Variants in CHD9 observed in about 807,000 individuals in gnomAD.
The protein encoded by CHD9 is chromodomain helicase DNA binding protein 9.
A neutral mutation model predicts 316.1 loss-of-function variants in CHD9; 77 were observed. The observed-to-expected ratio is 0.24, with a 90% CI of 0.20 to 0.29. The LOEUF (loss-of-function observed/expected upper bound fraction) is 0.29, where lower values mean the gene tolerates loss of function less well. Among genes scored for constraint, CHD9 ranks in the 10% least tolerant of loss-of-function variants. The probability of loss-of-function intolerance (pLI) is 1.00; values close to 1 mark genes in which losing one functional copy is unlikely to be tolerated. For synonymous variants in CHD9, 1,129 were observed against 1,158.3 expected (o/e 0.97, Z 0.51); for missense variants, 2,763 against 3,438.1 (o/e 0.80, Z 4.91).
intron 38 of CHD9, among the ~76,000 whole-genome samples, chr16:53,322,770 A>G (rs1042965460): frequency 1.8e-4 from 27 of 152,260 alleles, no homozygotes; most frequent in Admixed American, 1.2e-3. Context: ...CTATAAAACT[A>G]AGTTCGCTGT....
At chr16:53,256,381 C>CTTTTTTTTTTTTTTTTTTTTTTTTT (rs1163977563) in intron 19 of CHD9, among the ~76,000 whole-genome samples, 1 of 99,260 alleles carries the variant, frequency 1.0e-5, no homozygotes, top group African/African-American at 4.1e-5. Flanking sequence ...TTTTTCTTTT[C>CTTTTTTTTTTTTTTTTTTTTTTTTT]TTTTTTTTTT....
intron 7 of CHD9, among the ~76,000 whole-genome samples, chr16:53,228,308 G>A (rs2047831689): frequency 6.6e-6 from 1 of 151,794 alleles, no homozygotes; most frequent in Non-Finnish European, 1.5e-5. Context: ...GGAGTCTGAA[G>A]CCAGCCTGGG....
chr16:53,226,420 G>A lies in CHD9; in HGVS notation c.1951G>A (p.Gly651Arg). 1 of 1,601,288 alleles carries A rather than the reference G, an allele frequency of 6.2e-7. No individual in the cohort carries two copies. The highest frequency in any genetic ancestry group is 1.1e-5 in the South Asian group (1 of 88,018). The change falls in exon 5 of 39, where the codon GGG becomes AGG. Residue 651 changes from glycine to arginine, a missense_variant. Around this residue, in one of 15 missense-constraint regions of CHD9, gnomAD observed 859 missense variants for 890.4 expected, o/e 0.96. Coordinates refer to ENST00000447540, the MANE Select transcript of CHD9 (RefSeq NM_001308319.2). Reference protein sequence around the residue: ...KRKKYAEDIEGKQSEEEVKGS... With the variant: ...KRKKYAEDIERKQSEEEVKGS... ...AAAAAAATACGCAGAAGATATAGAA[G>A]GGAAGCAATCTGAAGAAGAGGTTAA...
rs1237515326 is a variant in CHD9, at chr16:53,243,595, G to C, written c.3054+579G>C. On this transcript the variant is annotated intron_variant, in intron 13 of 38. Transcript: ENST00000447540. ...CCAAAAGTGCTGGGATTACAGGCGT[G>C]AGCCTGTAATTTTTTGTATTTTTAG... 2.0e-5 allele frequency among the ~76,000 whole-genome samples: 3 copies of C among 152,328 alleles called. No individual in the cohort carries two copies. In the South Asian group the frequency reaches 6.2e-4, roughly 32 times the overall value.
intron 31 of CHD9, among the ~76,000 whole-genome samples, chr16:53,305,296 G>C (rs2055857496): frequency 6.6e-6 from 1 of 151,932 alleles, no homozygotes. Context: ...CCTGACCTTA[G>C]GTGATCCGCC....
chr16:53,243,162 G>T, intron 13 of CHD9, 146 bp downstream of exon 13: 2 of 541,948 alleles, frequency 3.7e-6, no homozygotes, highest in Non-Finnish European at 6.1e-6. Flanking sequence ...ATTTTTTGGG[G>T]GGCCTTAATT....
At position 53,223,697 on chromosome 16, in the gene CHD9, A is replaced by G. The variant is rs1207314187; in HGVS notation, c.1896+942A>G. ...CAATGACATGGTAGGCTAGGTCAAC[A>G]TGAACATTTCTTCCATGTTTTTCAC... On this transcript the variant is annotated intron_variant, in intron 4 of 38. Coordinates refer to ENST00000447540, the MANE Select transcript of CHD9 (RefSeq NM_001308319.2). 2.0e-5 allele frequency among the ~76,000 whole-genome samples: 3 copies of G among 152,350 alleles called. No individual in the cohort carries two copies. In the East Asian group the frequency reaches 5.8e-4, roughly 29 times the overall value.
intron 1 of CHD9, among the ~76,000 whole-genome samples, chr16:53,108,234 G>C (rs1392289127): frequency 6.6e-6 from 1 of 152,190 alleles, no homozygotes; most frequent in Non-Finnish European, 1.5e-5. Flanking sequence ...AAGCACAGTG[G>C]CTCATGCCTG....
Position 53,245,185 on chromosome 16 carries a change from T to C in CHD9, c.3055-151T>C, listed in dbSNP as rs896535531. 4 of 426,432 alleles carry C rather than the reference T, an allele frequency of 9.4e-6. No individual in the cohort carries two copies. Among genetic ancestry groups the C allele is most frequent in the African/African-American group, 2.3e-5 (1 of 43,614 alleles). The allele number at this position is 426,432 out of a possible 1,614,324, so 26.4% of individuals were successfully genotyped here. On this transcript the variant is annotated intron_variant, in intron 13 of 38. Coordinates refer to ENST00000447540, the MANE Select transcript of CHD9 (RefSeq NM_001308319.2). This position sits in a 1 kb window ranked among gnomAD's most constrained non-coding sequence, Gnocchi z 4.1. Reference sequence around the variant, plus strand: ...CCTTGTCTCTAAACAAACAAACAAATATATATATATACACACACACACACA... The same window carrying C: ...CCTTGTCTCTAAACAAACAAACAAACATATATATATACACACACACACACA...
chr16:53,221,749 C>T (rs1200559915), intron 3 of CHD9, among the ~76,000 whole-genome samples: 1 of 152,030 alleles, frequency 6.6e-6, no homozygotes, highest in Non-Finnish European at 1.5e-5. Flanking sequence ...ACATACAGTA[C>T]AGATAAGATA....
chr16:53,127,747 C>A (rs2039033832), intron 1 of CHD9, among the ~76,000 whole-genome samples: 1 of 151,818 alleles, frequency 6.6e-6, no homozygotes, highest in South Asian at 2.1e-4. Context: ...ATGGTGAAAC[C>A]CCGTCTCTGC....
chr16:53,293,862 C>T lies in CHD9; in HGVS notation c.5510+810C>T, dbSNP rs191880616. On this transcript the variant is annotated intron_variant, in intron 29 of 38. Coordinates refer to ENST00000447540, the MANE Select transcript of CHD9 (RefSeq NM_001308319.2). ...ACTTGGGAGGCTGAGGCATGAGAAT[C>T]GCTTGATCCCAGGAGGCAGAGGTTG... is the stretch of plus-strand genomic sequence containing the variant. 1.6e-4 allele frequency among the ~76,000 whole-genome samples: 24 copies of T among 152,044 alleles called. No individual in the cohort carries two copies. The East Asian group carries it at 3.7e-3, about 23-fold the overall frequency.
intron 1 of CHD9, among the ~76,000 whole-genome samples, chr16:53,066,754 A>C (rs1276013793): frequency 1.3e-5 from 2 of 152,176 alleles, no homozygotes; most frequent in Non-Finnish European, 2.9e-5. Context: ...AGGGACAGAG[A>C]GGCTGTCATC....
At chr16:53,253,729 T>C (rs560521110) in intron 17 of CHD9, among the ~76,000 whole-genome samples, 7 of 152,164 alleles carry the variant, frequency 4.6e-5, no homozygotes, top group East Asian at 1.9e-4. Flanking sequence ...GAGGCCAAAG[T>C]GGTAGGATCT....
In CHD9 at chr16:53,163,621, A is replaced by C. The variant is rs1173703919; in HGVS notation, c.1452+6080A>C. Among the ~76,000 whole-genome samples the C allele has an allele frequency of 3.3e-5, 5 of 152,208 alleles. No homozygotes were observed. The South Asian group carries it at 1.0e-3, about 32-fold the overall frequency. ...GATGCATACATTTTCCATGGCATTAAGTATTTTTCTAAAAATGATTTTGAG... is the reference window on the plus strand; with the variant it reads ...GATGCATACATTTTCCATGGCATTACGTATTTTTCTAAAAATGATTTTGAG... On this transcript the variant is annotated intron_variant, in intron 2 of 38. Coordinates refer to ENST00000447540, the MANE Select transcript of CHD9 (RefSeq NM_001308319.2).
chr16:53,296,979 A>C lies in CHD9; in HGVS notation c.5534A>C (p.Asp1845Ala). 1.2e-6 allele frequency: 2 copies of C among 1,613,390 alleles called. No homozygotes were observed. Among genetic ancestry groups the C allele is most frequent in the Non-Finnish European group, 1.7e-6 (2 of 1,179,528 alleles). Residue 1845 changes from aspartate to alanine, a missense_variant, in exon 30 of 39, where the codon GAC becomes GCC. Around this residue, in one of 15 missense-constraint regions of CHD9, gnomAD observed 183 missense variants for 258.5 expected, o/e 0.71. Transcript: ENST00000447540. ...QQRWTRREEADFYRVVSTFGV... is the reference protein window; with the variant it reads ...QQRWTRREEAAFYRVVSTFGV... ...AGATGGACAAGAAGAGAAGAAGCTGACTTTTATAGGGTTGTATCTACATTT... is the reference window on the plus strand; with the variant it reads ...AGATGGACAAGAAGAGAAGAAGCTGCCTTTTATAGGGTTGTATCTACATTT...
intron 1 of CHD9, among the ~76,000 whole-genome samples, chr16:53,130,391 T>C (rs991688376): frequency 2.0e-5 from 3 of 151,746 alleles, no homozygotes; most frequent in Non-Finnish European, 4.4e-5. Flanking sequence ...AGAGATGCCC[T>C]GCATGTGAGT....
chr16:53,070,489 T>TTCCTTCCTTCC (rs1567306287), intron 1 of CHD9, among the ~76,000 whole-genome samples: 53 of 144,872 alleles, frequency 3.7e-4, no homozygotes, highest in African/African-American at 1.3e-3. Context: ...TCTTTCTTTC[T>TTCCTTCCTTCC]TTCCTTCCTT....
At chr16:53,215,099 G>T (rs2046637456) in intron 3 of CHD9, among the ~76,000 whole-genome samples, 1 of 152,034 alleles carries the variant, frequency 6.6e-6, no homozygotes, top group South Asian at 2.1e-4. Context: ...TTTCTTTTTA[G>T]TAGAGATGGG....
Sources: allele counts gnomAD v4.1 joint callset (sites outside exome capture counted in the v4.1 genomes callset), GRCh38; gene constraint gnomAD v4.1.1; regional missense constraint gnomAD v4.1.1; non-coding constraint Gnocchi (gnomAD v3.1); transcripts MANE v1.5; gene names NCBI Gene and HGNC (gene_info 2026-07-23, HGNC 2026-07-21).